TOP3A: variants seen among roughly 807,000 people sequenced by gnomAD.
TOP3A encodes the protein DNA topoisomerase III alpha.
In TOP3A, 64 loss-of-function variants were observed where a neutral mutation model predicts 111.3. The ratio of observed to expected loss-of-function variants is 0.57; its 90% CI spans 0.47 to 0.71. TOP3A has a LOEUF of 0.71. Among genes scored for constraint, TOP3A ranks in the 30% least tolerant of loss-of-function variants. TOP3A has a pLI of 0.00. For missense variants in TOP3A, 1,104 were observed against 1,285.0 expected (o/e 0.86, Z 2.15); for synonymous variants, 484 against 485.1 (o/e 1.00, Z 0.03).
chr17:18,308,988 T>A, intron 1 of TOP3A, 47 bp from the exon 2 acceptor site: 4 of 1,047,414 alleles, frequency 3.8e-6, no homozygotes, highest in Non-Finnish European at 5.5e-6. Flanking sequence ...TTTAAAACAA[T>A]GGATTCCTTT....
intron 1 of TOP3A, among the ~76,000 whole-genome samples, chr17:18,313,863 G>A (rs1982073977): frequency 6.6e-6 from 1 of 152,134 alleles, no homozygotes; most frequent in Admixed American, 6.5e-5. Context: ...TCTTAGAAAA[G>A]TTCTCCAGAA....
chr17:18,308,777 T>G (rs1422952501), intron 2 of TOP3A, 105 bp downstream of exon 2: 1 of 677,674 alleles, frequency 1.5e-6, no homozygotes, highest in Non-Finnish European at 2.4e-6. Flanking sequence ...CTTTAGGTTG[T>G]TAACAGTTGT....
intron 4 of TOP3A, among the ~76,000 whole-genome samples, chr17:18,305,464 A>C (rs1398469146): frequency 7.4e-6 from 1 of 135,332 alleles, no homozygotes; most frequent in Non-Finnish European, 1.6e-5. Flanking sequence ...CAAAACCTGA[A>C]ATTCAGCTCT....
intron 13 of TOP3A, among the ~76,000 whole-genome samples, chr17:18,288,615 C>T (rs1034713554): frequency 6.6e-6 from 1 of 152,174 alleles, no homozygotes; most frequent in Non-Finnish European, 1.5e-5. Flanking sequence ...TTTCCAGGCT[C>T]ACCTTCTATG....
At position 18,314,732 on chromosome 17, in the gene TOP3A, G is replaced by A; in HGVS notation, c.47C>T (p.Pro16Leu). Reference sequence around the variant, plus strand: ...GGCGCGGGAAAAGGCACGGTCTTCGGGCCGTCGCAGCCACCGGAGCGCGTA... The same window carrying A: ...GGCGCGGGAAAAGGCACGGTCTTCGAGCCGTCGCAGCCACCGGAGCGCGTA... ...ARYALRWLRR[P>L]EDRAFSRAAM... Residue 16 changes from proline (P) to leucine (L), a missense_variant, in exon 1 of 19, where the codon CCC becomes CTC. By Grantham distance (98) the Pro-to-Leu change is moderately conservative (BLOSUM62 -3). Coordinates refer to ENST00000321105, the MANE Select transcript of TOP3A (RefSeq NM_004618.5). 6.3e-7 allele frequency: 1 copy of A among 1,584,288 alleles called. No individual in the cohort carries two copies. Among genetic ancestry groups the A allele is most frequent in the Non-Finnish European group, 8.6e-7 (1 of 1,165,810 alleles).
At chr17:18,295,918 C>A (rs1980772999) in intron 9 of TOP3A, among the ~76,000 whole-genome samples, 1 of 151,966 alleles carries the variant, frequency 6.6e-6, no homozygotes, top group Non-Finnish European at 1.5e-5. Flanking sequence ...CAGGCACCTG[C>A]CACCACGCCT....
intron 3 of TOP3A, 128 bp downstream of exon 3, chr17:18,308,223 C>CAAAAAAAAAAAAAAAAAAAAAAAAAAAA (rs201230376): frequency 8.6e-6 from 2 of 231,314 alleles, no homozygotes; most frequent in Non-Finnish European, 1.5e-5. Flanking sequence ...TTGTCTCCAA[C>CAAAAAAAAAAAAAAAAAAAAAAAAAAAA]AAAAAAAAAA....
intron 1 of TOP3A, chr17:18,312,348 G>C: frequency 6.6e-6 from 1 of 152,560 alleles, no homozygotes; most frequent in East Asian, 1.9e-4. Flanking sequence ...GAGCATGAAG[G>C]GTCAGCTGGT....
At chr17:18,313,573 T>TA (rs35922012) in intron 1 of TOP3A, 13,072 of 127,668 alleles carry the variant, frequency 0.1, 709 homozygotes, top group South Asian at 0.18. Flanking sequence ...CTGGATTGCT[T>TA]AAAAAAAAAA....
At chr17:18,308,612 G>A (rs1981727595) in intron 2 of TOP3A, 188 bp from the exon 3 acceptor site, 1 of 495,684 alleles carries the variant, frequency 2.0e-6, no homozygotes. Flanking sequence ...CTAATGATAT[G>A]GTGTATAACT....
At chr17:18,305,343 G>C (rs1157686083) in intron 4 of TOP3A, 123 bp from the exon 5 acceptor site, 2 of 781,992 alleles carry the variant, frequency 2.6e-6, no homozygotes, top group Non-Finnish European at 4.3e-6. Flanking sequence ...AACTTGGCAA[G>C]GGAAAGAGAA....
At chr17:18,314,463 A>C in intron 1 of TOP3A, 136 bp downstream of exon 1, 1 of 987,842 alleles carries the variant, frequency 1.0e-6, no homozygotes, top group Non-Finnish European at 1.4e-6. Context: ...GGCCACTGCA[A>C]TAATCCAGAC....
intron 9 of TOP3A, among the ~76,000 whole-genome samples, chr17:18,298,672 G>A (rs1368398134): frequency 1.3e-5 from 2 of 152,008 alleles, no homozygotes; most frequent in South Asian, 2.1e-4. Flanking sequence ...TGTAGAAAGA[G>A]GTAGACGTGG....
At chr17:18,299,705 C>T (rs550256614) in intron 8 of TOP3A, 72 bp from the exon 9 acceptor site, 1 of 1,391,516 alleles carries the variant, frequency 7.2e-7, no homozygotes, top group African/African-American at 1.4e-5. Flanking sequence ...ATGGATAGCC[C>T]ATGCCAATCC....
In TOP3A at chr17:18,285,322, T is replaced by A. The variant is rs1318609217; in HGVS notation, c.1712-15A>T. The A allele has an allele frequency of 1.2e-6, 2 of 1,612,482 alleles. No homozygotes were observed. Among genetic ancestry groups the A allele is most frequent in the East Asian group, 2.2e-5 (1 of 44,798 alleles). On this transcript the variant is annotated splice_polypyrimidine_tract_variant and intron_variant, in intron 14 of 18. Coordinates refer to ENST00000321105, the MANE Select transcript of TOP3A (RefSeq NM_004618.5). ...GGAATCATAACCTGCAGGGAGAGAG[T>A]CGAGCTCAGTGAGGGCCCACCTGAG...
chr17:18,278,619 T>C (rs1185823015), intron 17 of TOP3A, among the ~76,000 whole-genome samples: 1 of 152,196 alleles, frequency 6.6e-6, no homozygotes, highest in Non-Finnish European at 1.5e-5. Context: ...AGAAGTCCCA[T>C]GTCTCTGTAT....
At chr17:18,305,486 A>ACACGCGCGCGCG (rs1164323613) in intron 4 of TOP3A, among the ~76,000 whole-genome samples, 15 of 149,412 alleles carry the variant, frequency 1.0e-4, no homozygotes, top group African/African-American at 3.5e-4. Flanking sequence ...ACACACACAC[A>ACACGCGCGCGCG]CGCGCGCGCG....
At chr17:18,277,639 T>C (rs1979459695) in intron 18 of TOP3A, 36 bp downstream of exon 18, 3 of 1,576,502 alleles carry the variant, frequency 1.9e-6, no homozygotes, top group Non-Finnish European at 2.6e-6. Flanking sequence ...ACCTGAAAAC[T>C]GAAGGCAGGG....
rs774366634 is a variant in TOP3A, at chr17:18,274,960, AGGACGG to A, written c.2842_2847del (p.Pro948_Ser949del). ...AGGGTTCTTCCTCTGTCTCCTGTCC[AGGACGG>A]GGCTCCAGAAGTCCCTGTCGGGAGA... On this transcript the variant is annotated inframe_deletion, in exon 19 of 19. Coordinates refer to ENST00000321105, the MANE Select transcript of TOP3A (RefSeq NM_004618.5). 9.3e-6 allele frequency: 15 copies of A among 1,613,924 alleles called. No individual in the cohort carries two copies. Among genetic ancestry groups the A allele is most frequent in the Non-Finnish European group, 1.3e-5 (15 of 1,179,962 alleles).
Sources: allele counts gnomAD v4.1 joint callset (sites outside exome capture counted in the v4.1 genomes callset), GRCh38; gene constraint gnomAD v4.1.1; transcripts MANE v1.5; gene names NCBI Gene and HGNC (gene_info 2026-07-23, HGNC 2026-07-21).